The following UPRT variants were observed in gnomAD, a reference collection of about 807,000 sequenced individuals.
UPRT encodes uracil phosphoribosyltransferase homolog, also known as RP11-311P8.3.
In UPRT, 5 loss-of-function variants were observed where a neutral mutation model predicts 22.6. The observed-to-expected ratio is 0.22, with a 90% CI of 0.12 to 0.47. The LOEUF is 0.47. Among genes scored for constraint, UPRT ranks in the 20% least tolerant of loss-of-function variants. The pLI is 0.99. For synonymous variants in UPRT, 77 were observed against 87.7 expected (o/e 0.88, Z 0.68); for missense variants, 181 against 239.9 (o/e 0.75, Z 1.62).
At chrX:75,272,322 A>G (rs1449700094), upstream of UPRT, among the ~76,000 whole-genome samples, 1 of 81,821 alleles carries the variant, frequency 1.2e-5, no homozygotes, top group African/African-American at 5.2e-5. Flanking sequence ...GTATATATAC[A>G]TATATATGTA....
At chrX:75,268,290 C>G (rs2082597032) in intron 4 of UPRT, among the ~76,000 whole-genome samples, 2 of 111,119 alleles carry the variant, frequency 1.8e-5, no homozygotes, top group East Asian at 2.8e-4. Context: ...AAAAAAAGTC[C>G]AGGACCAGAC....
Position 75,246,989 on chromosome X carries a change from G to T in UPRT, c.-446-44035G>T, listed in dbSNP as rs148369958. 5.2e-3 allele frequency among the ~76,000 whole-genome samples: 582 copies of T among 111,967 alleles called. 2 individuals are homozygous for T. Among genetic ancestry groups the T allele is most frequent in the African/African-American group, 0.018 (558 of 30,857 alleles). On this transcript the variant is annotated intron_variant, in intron 4 of 13. Coordinates refer to the UPRT transcript ENST00000652605. Reference sequence around the variant, plus strand: ...GAAATACAGAGAGAGGAAGAAACTTGTCAAATGTCACTCAATTTTTTAGCA... The same window carrying T: ...GAAATACAGAGAGAGGAAGAAACTTTTCAAATGTCACTCAATTTTTTAGCA...
chrX:75,272,305 T>TAC (rs1569279396), upstream of UPRT, among the ~76,000 whole-genome samples: 8 of 15,640 alleles, frequency 5.1e-4, no homozygotes, highest in Middle Eastern at 0.067. Flanking sequence ...TATGTGTATA[T>TAC]ATATGTGTAT....
At chrX:75,190,395 C>G (rs2082310884) in intron 4 of UPRT, among the ~76,000 whole-genome samples, 1 of 111,908 alleles carries the variant, frequency 8.9e-6, no homozygotes, top group African/African-American at 3.2e-5. Context: ...ACCTTTCTCT[C>G]TGGCTGCCCT....
chrX:75,269,166 G>A (rs1382119448), upstream of UPRT, among the ~76,000 whole-genome samples: 1 of 111,562 alleles, frequency 9.0e-6, no homozygotes, highest in Non-Finnish European at 1.9e-5. Flanking sequence ...TTGCTACAAA[G>A]AGAATAAAAT....
chrX:75,202,325 G>T (rs1232151646), intron 4 of UPRT, among the ~76,000 whole-genome samples: 1 of 111,046 alleles, frequency 9.0e-6, no homozygotes, highest in East Asian at 2.8e-4. Context: ...CTTGTGCCCG[G>T]CGTGCTGGCT....
At chrX:75,206,219 G>A (rs2082366265) in intron 4 of UPRT, among the ~76,000 whole-genome samples, 1 of 111,188 alleles carries the variant, frequency 9.0e-6, no homozygotes, top group South Asian at 3.9e-4. Context: ...CCTTTTCGGT[G>A]GTGGTAGGGA....
chrX:75,241,620 A>G lies in UPRT; in HGVS notation c.-446-49404A>G, dbSNP rs2082488883. 2.7e-5 allele frequency among the ~76,000 whole-genome samples: 3 copies of G among 111,995 alleles called. No individual in the cohort carries two copies. The Admixed American group carries it at 2.9e-4, about 11-fold the overall frequency. ...GTCATTATATAAAAAAGACACTTAC[A>G]CAGGCATGTTTATAGCAGCACAATT... is the stretch of plus-strand genomic sequence containing the variant. On this transcript the variant is annotated intron_variant, in intron 4 of 13. Transcript: ENST00000652605.
At chrX:75,255,541 A>C (rs1186052037) in intron 4 of UPRT, among the ~76,000 whole-genome samples, 2 of 112,047 alleles carry the variant, frequency 1.8e-5, no homozygotes, top group East Asian at 5.6e-4. Context: ...AGTGACCTAA[A>C]TGCTCCACTT....
chrX:75,201,923 A>G (rs2082348228), intron 4 of UPRT: 1 of 111,546 alleles, frequency 9.0e-6, no homozygotes, highest in South Asian at 3.8e-4. Flanking sequence ...CATGGTCTCT[A>G]TAGGTGAAGG....
At chrX:75,239,759 G>A (rs981619520) in intron 4 of UPRT, among the ~76,000 whole-genome samples, 2 of 111,655 alleles carry the variant, frequency 1.8e-5, no homozygotes, top group East Asian at 5.6e-4. Context: ...TCATGATTAA[G>A]TGGGTTTCAT....
At chrX:75,215,188 C>G (rs981039946) in intron 4 of UPRT, among the ~76,000 whole-genome samples, 2 of 110,958 alleles carry the variant, frequency 1.8e-5, no homozygotes, top group Non-Finnish European at 3.8e-5. Flanking sequence ...GAAATGACAG[C>G]TGATCCAAAT....
intron 4 of UPRT, among the ~76,000 whole-genome samples, chrX:75,266,079 G>GA (rs1444998294): frequency 7.2e-5 from 8 of 110,982 alleles, no homozygotes; most frequent in South Asian, 7.5e-4. Flanking sequence ...CACAGAATTG[G>GA]AAAAAACTAC....
intron 1 of UPRT, among the ~76,000 whole-genome samples, chrX:75,280,434 A>G (rs1286729062): frequency 9.0e-6 from 1 of 111,731 alleles, no homozygotes; most frequent in Non-Finnish European, 1.9e-5. Flanking sequence ...ATCCATCTTG[A>G]GTTGATTTTT....
intron 4 of UPRT, among the ~76,000 whole-genome samples, chrX:75,264,644 A>G (rs1192692585): frequency 9.0e-6 from 1 of 110,555 alleles, no homozygotes; most frequent in African/African-American, 3.3e-5. Context: ...TCTTTATCCA[A>G]TTTTCCAGTC....
chrX:75,203,074 T>G (rs976002917), intron 4 of UPRT, among the ~76,000 whole-genome samples: 2 of 111,311 alleles, frequency 1.8e-5, no homozygotes, highest in Non-Finnish European at 3.8e-5. Context: ...CAAAGACACA[T>G]AGCCTCAAAA....
intron 4 of UPRT, among the ~76,000 whole-genome samples, chrX:75,225,323 CCACACACACACACA>C (rs57493246): frequency 4.9e-5 from 4 of 82,038 alleles, no homozygotes; most frequent in Admixed American, 2.9e-4. Flanking sequence ...AAACCAAAAA[CCACACACACACACA>C]CACACACACA....
At chrX:75,190,164 G>T (rs759561384) in intron 4 of UPRT, among the ~76,000 whole-genome samples, 1 of 111,863 alleles carries the variant, frequency 8.9e-6, no homozygotes, top group East Asian at 2.8e-4. Flanking sequence ...CTCTTGTAGG[G>T]TGGGCCTGGT....
At chrX:75,265,958 G>A (rs2082587014) in intron 4 of UPRT, among the ~76,000 whole-genome samples, 1 of 111,275 alleles carries the variant, frequency 9.0e-6, no homozygotes, top group Non-Finnish European at 1.9e-5. Context: ...ACAAATGGAA[G>A]AACATTCCAT....
Sources: gnomAD v4.1 joint callset for allele counts (sites outside exome capture counted in the v4.1 genomes callset) on GRCh38, gnomAD v4.1.1 for gene constraint, MANE v1.5 for transcripts, NCBI Gene and HGNC (gene_info 2026-07-23, HGNC 2026-07-21) for gene names.